Variants in TMEM117 observed in about 807,000 individuals in gnomAD.
The protein encoded by TMEM117 is transmembrane protein 117.
TMEM117 carries 27 observed loss-of-function variants against 52.4 expected under a neutral mutation model. The observed-to-expected ratio is 0.51, with a 90% confidence interval of 0.38 to 0.71. The LOEUF (loss-of-function observed/expected upper bound fraction) is 0.71. Ranked by LOEUF, TMEM117 falls within the 30% of genes least tolerant of loss-of-function variation. The pLI is 0.00. For missense variants in TMEM117, 556 were observed against 630.5 expected, an observed-to-expected ratio of 0.88 and a Z score of 1.26; for synonymous variants, 215 against 206.3, an observed-to-expected ratio of 1.04 and a Z score of -0.36.
At chr12:43,907,066 G>C (rs896092004) in intron 2 of TMEM117, among the ~76,000 whole-genome samples, 2 of 152,198 alleles carry the variant, frequency 1.3e-5, no homozygotes, top group Non-Finnish European at 2.9e-5. Flanking sequence ...CAAAAAGACA[G>C]CAGTAACCTC....
chr12:43,958,202 A>G (rs117894155), intron 3 of TMEM117, among the ~76,000 whole-genome samples: 1,714 of 152,306 alleles, frequency 0.011, 23 homozygotes, highest in East Asian at 0.044. Flanking sequence ...ATATGCATCT[A>G]TATGTTTATA....
chr12:44,364,653 T>A (rs1951765953), intron 6 of TMEM117, among the ~76,000 whole-genome samples: 2 of 152,124 alleles, frequency 1.3e-5, no homozygotes, highest in Admixed American at 1.3e-4. Flanking sequence ...AAGGGCTTCT[T>A]GTAACACAGT....
chr12:44,092,052 C>T (rs1947682441), intron 3 of TMEM117, among the ~76,000 whole-genome samples: 2 of 152,134 alleles, frequency 1.3e-5, no homozygotes, highest in South Asian at 4.2e-4. Flanking sequence ...CAAGAAGATA[C>T]TCAGCTCAGA....
chr12:43,911,648 A>G (rs1455490655), intron 2 of TMEM117, among the ~76,000 whole-genome samples: 3 of 148,078 alleles, frequency 2.0e-5, no homozygotes, highest in Admixed American at 6.7e-5. Flanking sequence ...ACAAATTTAC[A>G]AGAAAAAAAC....
chr12:44,062,561 A>C (rs146657715), intron 3 of TMEM117, among the ~76,000 whole-genome samples: 3 of 152,350 alleles, frequency 2.0e-5, no homozygotes, highest in Non-Finnish European at 2.9e-5. Flanking sequence ...GGGCTAAATC[A>C]GATATGTTTC....
chr12:44,209,127 C>G (rs41363345), intron 4 of TMEM117, among the ~76,000 whole-genome samples: 1,540 of 152,222 alleles, frequency 0.01, 10 homozygotes, highest in African/African-American at 0.016. Flanking sequence ...TATAAAGGAA[C>G]AGTGGCTGAA....
chr12:43,969,385 TG>T (rs1214252854), intron 3 of TMEM117, among the ~76,000 whole-genome samples: 1 of 90,352 alleles, frequency 1.1e-5, no homozygotes, highest in Non-Finnish European at 2.2e-5. Context: ...TAGCCAGGCA[TG>T]GGGGCGGGTG....
At chr12:43,797,725 G>T in the TMEM117 span, 4 of 1,612,292 alleles carry the variant, frequency 2.5e-6, no homozygotes, top group Non-Finnish European at 3.4e-6. Flanking sequence ...ACATAGTTGA[G>T]CTGTCTATTA....
At chr12:44,164,049 A>C (rs567543052) in intron 4 of TMEM117, among the ~76,000 whole-genome samples, 2 of 152,034 alleles carry the variant, frequency 1.3e-5, no homozygotes, top group Non-Finnish European at 2.9e-5. Context: ...CTAGGGTGGG[A>C]TTGGGATTGG....
At chr12:44,038,658 G>A (rs1365522601) in intron 3 of TMEM117, among the ~76,000 whole-genome samples, 1 of 152,218 alleles carries the variant, frequency 6.6e-6, no homozygotes, top group Non-Finnish European at 1.5e-5. Flanking sequence ...TGGCCACAGA[G>A]GTTTCCAGCT....
chr12:44,166,315 T>A (rs1948966500), intron 4 of TMEM117, among the ~76,000 whole-genome samples: 2 of 152,234 alleles, frequency 1.3e-5, no homozygotes, highest in Non-Finnish European at 2.9e-5. Context: ...CTCAAGGAAC[T>A]GGATGGTATA....
At chr12:44,152,236 T>C (rs1455767109) in intron 4 of TMEM117, among the ~76,000 whole-genome samples, 2 of 109,414 alleles carry the variant, frequency 1.8e-5, no homozygotes. Context: ...AATATAATTA[T>C]ATATATAATT....
chr12:44,372,286 C>T (rs1951874658), intron 6 of TMEM117, among the ~76,000 whole-genome samples: 1 of 152,200 alleles, frequency 6.6e-6, no homozygotes, highest in Non-Finnish European at 1.5e-5. Context: ...CTTGCCTCGT[C>T]ATTCCCTTAA....
intron 2 of TMEM117, among the ~76,000 whole-genome samples, chr12:43,914,192 T>C (rs554016544): frequency 4.5e-4 from 69 of 152,198 alleles, no homozygotes; most frequent in Middle Eastern, 3.4e-3. Context: ...CGGGAGGGGA[T>C]GTGCTTGAAG....
At chr12:44,036,181 A>G (rs1265329074) in intron 3 of TMEM117, among the ~76,000 whole-genome samples, 2 of 152,226 alleles carry the variant, frequency 1.3e-5, no homozygotes, top group East Asian at 1.9e-4. Flanking sequence ...TGCTATATAC[A>G]TTATCCTTTT....
At chr12:43,899,637 A>AT (rs11383405) in intron 2 of TMEM117, among the ~76,000 whole-genome samples, 116,802 of 151,898 alleles carry the variant, frequency 0.77, 48,045 homozygotes, top group Non-Finnish European at 0.9. Flanking sequence ...CTAAATTTTT[A>AT]TTTTTTTCAA....
At chr12:44,251,885 C>G (rs1950200540) in intron 5 of TMEM117, among the ~76,000 whole-genome samples, 1 of 152,164 alleles carries the variant, frequency 6.6e-6, no homozygotes, top group Non-Finnish European at 1.5e-5. Flanking sequence ...GAAACTGTTA[C>G]TATCTTAGTG....
chr12:43,962,496 C>G (rs1352590859), intron 3 of TMEM117, among the ~76,000 whole-genome samples: 1 of 152,078 alleles, frequency 6.6e-6, no homozygotes, highest in Non-Finnish European at 1.5e-5. Flanking sequence ...TTAAGAACCA[C>G]CACTTTATGT....
At chr12:43,932,932 C>G (rs183966073) in intron 2 of TMEM117, among the ~76,000 whole-genome samples, 1 of 152,114 alleles carries the variant, frequency 6.6e-6, no homozygotes, top group Non-Finnish European at 1.5e-5. Context: ...TGCATAGGTA[C>G]AAATAATAGC....
Sources: gnomAD v4.1 joint callset for allele counts (sites outside exome capture counted in the v4.1 genomes callset) on GRCh38, gnomAD v4.1.1 for gene constraint, MANE v1.5 for transcripts, NCBI Gene and HGNC (gene_info 2026-07-23, HGNC 2026-07-21) for gene names.